LMBRD1: variants seen among roughly 807,000 people sequenced by gnomAD.
The protein encoded by LMBRD1 is LMBR1 domain containing 1, also known as lysosomal cobalamin transport escort protein LMBD1.
A neutral mutation model predicts 74.8 loss-of-function variants in LMBRD1; 64 were observed. That is an observed-to-expected ratio of 0.86 (90% CI 0.70 to 1.05). The LOEUF is 1.05. Ranked by LOEUF, LMBRD1 falls within the 50% of genes least tolerant of loss-of-function variation. The pLI, the probability that LMBRD1 is intolerant of heterozygous loss-of-function variation, is 0.00. For synonymous variants in LMBRD1, 204 were observed against 216.3 expected (o/e 0.94, Z 0.50); for missense variants, 652 against 645.9 (o/e 1.01, Z -0.10).
In LMBRD1 at chr6:69,780,481, G is replaced by A. The variant is rs370206291; in HGVS notation, c.307+13C>T. 44 of 1,594,352 alleles carry A rather than the reference G, an allele frequency of 2.8e-5. No homozygotes were observed. The highest frequency in any genetic ancestry group is 3.6e-5 in the Non-Finnish European group (42 of 1,162,170). On this transcript the variant is annotated intron_variant, in intron 3 of 15. Coordinates refer to ENST00000649934, the MANE Select transcript of LMBRD1 (RefSeq NM_018368.4). ...AGCAGTCCAAATAGGGAAAGAAACTGAAAGATACTTACTATAGTAACCGTA... is the reference window on the plus strand; with the variant it reads ...AGCAGTCCAAATAGGGAAAGAAACTAAAAGATACTTACTATAGTAACCGTA...
Position 69,697,577 on chromosome 6 carries a change from G to A in LMBRD1, c.1403C>T (p.Ala468Val), listed in dbSNP as rs1398263450. The change falls in exon 14 of 16, where the codon GCA (alanine) becomes GTA (valine). Residue 468 changes from alanine (A) to valine (V), a missense_variant. Transcript: ENST00000649934. ...GCTGTTTTTACCTTCAGGAGCATCT[G>A]CATCACATCTCTTTGGCACAGAAAG... ...STLSVPKRCD[A>V]DAPEDQCTVT... 1.9e-6 allele frequency: 3 copies of A among 1,603,070 alleles called. No individual in the cohort carries two copies. Among genetic ancestry groups the A allele is most frequent in the Non-Finnish European group, 2.6e-6 (3 of 1,170,774 alleles).
chr6:69,711,061 C>A (rs1286263817), intron 9 of LMBRD1, among the ~76,000 whole-genome samples: 2 of 152,122 alleles, frequency 1.3e-5, no homozygotes, highest in Non-Finnish European at 2.9e-5. Flanking sequence ...CAAATTTCCA[C>A]CAACAAGGGT....
intron 14 of LMBRD1, among the ~76,000 whole-genome samples, 200 bp downstream of exon 14, chr6:69,697,363 A>G (rs1242473041): frequency 6.6e-6 from 1 of 152,108 alleles, no homozygotes; most frequent in East Asian, 1.9e-4. Context: ...ATTACTTCCT[A>G]AGTAATTTTA....
intron 14 of LMBRD1, among the ~76,000 whole-genome samples, chr6:69,685,534 C>T (rs145706598): frequency 0.016 from 2,400 of 152,260 alleles, 48 homozygotes; most frequent in African/African-American, 0.054. Context: ...GGCGTGGTGG[C>T]TCATGCCTGT....
chr6:69,676,874 T>C (rs968938433), intron 14 of LMBRD1, among the ~76,000 whole-genome samples: 13 of 151,808 alleles, frequency 8.6e-5, no homozygotes, highest in Admixed American at 2.0e-4. Context: ...AGACATATCA[T>C]AAAACAAAAA....
intron 7 of LMBRD1, among the ~76,000 whole-genome samples, chr6:69,737,350 C>G (rs182139072): frequency 4.8e-4 from 73 of 152,048 alleles, no homozygotes; most frequent in African/African-American, 1.7e-3. Context: ...ACAACTTGGT[C>G]AGTCATTTAT....
At chr6:69,685,837 T>G (rs1482297699) in intron 14 of LMBRD1, among the ~76,000 whole-genome samples, 1 of 151,998 alleles carries the variant, frequency 6.6e-6, no homozygotes, top group Non-Finnish European at 1.5e-5. Context: ...CACACAACTT[T>G]GCAATCTCGG....
chr6:69,758,112 TA>T (rs1359212948), intron 3 of LMBRD1, among the ~76,000 whole-genome samples: 2 of 152,192 alleles, frequency 1.3e-5, no homozygotes, highest in Non-Finnish European at 2.9e-5. Context: ...ATCTACCTTT[TA>T]AAAGCCACGT....
At chr6:69,743,868 A>T (rs550339288) in intron 5 of LMBRD1, among the ~76,000 whole-genome samples, 3 of 152,336 alleles carry the variant, frequency 2.0e-5, no homozygotes, top group Non-Finnish European at 4.4e-5. Flanking sequence ...TCCAGAGGGC[A>T]GAGCAGCACC....
chr6:69,678,081 C>T (rs961472237), intron 14 of LMBRD1, among the ~76,000 whole-genome samples: 1 of 152,058 alleles, frequency 6.6e-6, no homozygotes, highest in Non-Finnish European at 1.5e-5. Flanking sequence ...TTCTCCAAAA[C>T]GTAACTACTA....
At chr6:69,774,238 T>G (rs563505452) in intron 3 of LMBRD1, among the ~76,000 whole-genome samples, 2 of 152,206 alleles carry the variant, frequency 1.3e-5, no homozygotes, top group African/African-American at 4.8e-5. Context: ...CCTGCCACCA[T>G]GTTAGATGTG....
intron 2 of LMBRD1, among the ~76,000 whole-genome samples, chr6:69,782,480 T>C (rs1765857110): frequency 6.6e-6 from 1 of 152,200 alleles, no homozygotes; most frequent in Non-Finnish European, 1.5e-5. Flanking sequence ...ACATCTGTAA[T>C]CCCAGCACTC....
At chr6:69,760,008 T>C (rs1765342901) in intron 3 of LMBRD1, among the ~76,000 whole-genome samples, 1 of 152,124 alleles carries the variant, frequency 6.6e-6, no homozygotes, top group Admixed American at 6.6e-5. Flanking sequence ...ATATCAAAGT[T>C]TAGAATATAG....
chr6:69,721,165 C>T (rs770549072), intron 7 of LMBRD1, among the ~76,000 whole-genome samples: 3 of 152,152 alleles, frequency 2.0e-5, no homozygotes, highest in Non-Finnish European at 4.4e-5. Context: ...AAAAGGCAGT[C>T]TAGGAAACAA....
chr6:69,693,432 T>A (rs1463923348), intron 14 of LMBRD1, among the ~76,000 whole-genome samples: 1 of 152,064 alleles, frequency 6.6e-6, no homozygotes, highest in Non-Finnish European at 1.5e-5. Flanking sequence ...GTCTAAAATA[T>A]GTTTAATATT....
intron 9 of LMBRD1, chr6:69,705,373 T>TG (rs1265525887): frequency 2.9e-5 from 25 of 852,736 alleles, no homozygotes; most frequent in Non-Finnish European, 4.4e-5. Flanking sequence ...TTGATGAACT[T>TG]GGCTTCCACT....
chr6:69,737,093 G>T (rs745907590), intron 7 of LMBRD1, among the ~76,000 whole-genome samples: 1 of 152,050 alleles, frequency 6.6e-6, no homozygotes, highest in African/African-American at 2.4e-5. Flanking sequence ...CTGCTCTTAC[G>T]ATAATAGCCA....
rs1395052139 is a variant in LMBRD1, at chr6:69,675,587, G to C, written c.*571C>G. On this transcript the variant is annotated 3_prime_UTR_variant, in exon 16 of 16. Coordinates refer to ENST00000649934, the MANE Select transcript of LMBRD1 (RefSeq NM_018368.4). ...TAAGTTATCTAATGGACTGATATTT[G>C]AACAATATAACACATCTTGGAACGC... Among the ~76,000 whole-genome samples, 1 of 152,080 alleles carries C rather than the reference G, an allele frequency of 6.6e-6. No individual in the cohort carries two copies. Among genetic ancestry groups the C allele is most frequent in the Non-Finnish European group, 1.5e-5 (1 of 68,000 alleles).
chr6:69,678,809 T>A (rs1293811946), intron 14 of LMBRD1, among the ~76,000 whole-genome samples: 1 of 152,112 alleles, frequency 6.6e-6, no homozygotes, highest in Non-Finnish European at 1.5e-5. Flanking sequence ...TCCAGCTTAT[T>A]ACATAAGGGA....
Sources: allele counts gnomAD v4.1 joint callset (sites outside exome capture counted in the v4.1 genomes callset), GRCh38; gene constraint gnomAD v4.1.1; transcripts MANE v1.5; gene names NCBI Gene and HGNC (gene_info 2026-07-23, HGNC 2026-07-21).